KCNJ6: variants seen among roughly 807,000 people sequenced by gnomAD.
KCNJ6 encodes potassium inwardly rectifying channel subfamily J member 6, also known as G protein-activated inward rectifier potassium channel 2.
Under a neutral mutation model 34.2 loss-of-function variants are expected in KCNJ6, and 9 were observed. The ratio of observed to expected loss-of-function variants is 0.26; its 90% CI spans 0.16 to 0.46. The LOEUF is 0.46. KCNJ6 is among the 20% of genes least tolerant of loss of function. The pLI is 1.00. For synonymous variants in KCNJ6, 196 were observed against 207.1 expected, an observed-to-expected ratio of 0.95 and a Z score of 0.46; for missense variants, 236 against 531.3, an observed-to-expected ratio of 0.44 and a Z score of 5.46.
chr21:37,902,681 G>A (rs1568890459), intron 1 of KCNJ6, among the ~76,000 whole-genome samples: 1 of 152,200 alleles, frequency 6.6e-6, no homozygotes, highest in Non-Finnish European at 1.5e-5. Flanking sequence ...GCAGAGAGAA[G>A]AAGTGTGCAG....
At chr21:37,690,004 T>C (rs1464382157) in intron 3 of KCNJ6, among the ~76,000 whole-genome samples, 5 of 152,198 alleles carry the variant, frequency 3.3e-5, no homozygotes, top group Non-Finnish European at 5.9e-5. Context: ...TTTCAAAAAA[T>C]AGAAATACTC....
At chr21:37,864,614 G>A (rs983225544) in intron 1 of KCNJ6, among the ~76,000 whole-genome samples, 3 of 152,148 alleles carry the variant, frequency 2.0e-5, no homozygotes, top group Non-Finnish European at 4.4e-5. Flanking sequence ...AGATGTGCAG[G>A]GGTTTCAGAG....
At chr21:37,786,369 G>T (rs2055192728) in intron 2 of KCNJ6, among the ~76,000 whole-genome samples, 1 of 152,148 alleles carries the variant, frequency 6.6e-6, no homozygotes, top group African/African-American at 2.4e-5. Flanking sequence ...CTTCCTGTTG[G>T]GGCATCCACT....
chr21:37,630,158 G>GTGTGTGTGTGTGTGTGTGTGTGTGT (rs1556010880), intron 3 of KCNJ6, among the ~76,000 whole-genome samples: 19 of 145,788 alleles, frequency 1.3e-4, no homozygotes, highest in South Asian at 2.2e-4. Flanking sequence ...GTGTGTGTGT[G>GTGTGTGTGTGTGTGTGTGTGTGTGT]GTGTTTATGT....
intron 1 of KCNJ6, among the ~76,000 whole-genome samples, chr21:37,870,145 C>T (rs1238947330): frequency 6.6e-6 from 1 of 152,160 alleles, no homozygotes; most frequent in African/African-American, 2.4e-5. Context: ...ATACATTTTC[C>T]CTTTTCTGAT....
chr21:37,636,826 G>C (rs2054360075), intron 3 of KCNJ6, among the ~76,000 whole-genome samples: 1 of 152,170 alleles, frequency 6.6e-6, no homozygotes, highest in South Asian at 2.1e-4. Flanking sequence ...CCTCATGAGA[G>C]AACCCCCTGG....
chr21:37,666,887 A>C (rs1026190546), intron 3 of KCNJ6, among the ~76,000 whole-genome samples: 6 of 151,444 alleles, frequency 4.0e-5, no homozygotes, highest in Non-Finnish European at 8.8e-5. Context: ...GTGCTGTGTC[A>C]ACTCAGGGTT....
intron 2 of KCNJ6, among the ~76,000 whole-genome samples, chr21:37,818,207 C>CGTGTGTGTGTGTGTGTGT (rs1281572811): frequency 1.6e-4 from 13 of 81,044 alleles, no homozygotes; most frequent in African/African-American, 7.1e-4. Context: ...TGTGTGTGTG[C>CGTGTGTGTGTGTGTGTGT]GTGCGTGTGT....
intron 3 of KCNJ6, among the ~76,000 whole-genome samples, chr21:37,691,382 T>A (rs1348848396): frequency 6.6e-6 from 1 of 152,172 alleles, no homozygotes; most frequent in Non-Finnish European, 1.5e-5. Context: ...TCCCAAATCT[T>A]AACTTTCTGA....
chr21:37,902,664 G>T (rs1387295515), intron 1 of KCNJ6, among the ~76,000 whole-genome samples: 1 of 152,146 alleles, frequency 6.6e-6, no homozygotes, highest in Non-Finnish European at 1.5e-5. Context: ...AAAGAAGTTT[G>T]CATCTGGCAG....
At chr21:37,858,652 G>C (rs538173034) in intron 1 of KCNJ6, among the ~76,000 whole-genome samples, 26 of 152,232 alleles carry the variant, frequency 1.7e-4, no homozygotes, top group African/African-American at 6.0e-4. Context: ...AAGATCTAAA[G>C]TCTTTGGGAA....
At chr21:37,875,040 C>T (rs2055670802) in intron 1 of KCNJ6, among the ~76,000 whole-genome samples, 1 of 152,150 alleles carries the variant, frequency 6.6e-6, no homozygotes, top group Admixed American at 6.5e-5. Flanking sequence ...ACTCTATGCC[C>T]AGCAGTCTGT....
intron 1 of KCNJ6, among the ~76,000 whole-genome samples, chr21:37,863,407 G>T (rs558840987): frequency 1.3e-5 from 2 of 152,122 alleles, no homozygotes; most frequent in Non-Finnish European, 2.9e-5. Flanking sequence ...TACCAACTTT[G>T]ATTTATTGCA....
chr21:37,632,300 C>A (rs910789009), intron 3 of KCNJ6, among the ~76,000 whole-genome samples: 1 of 133,420 alleles, frequency 7.5e-6, no homozygotes, highest in African/African-American at 2.5e-5. Flanking sequence ...AAAGAAGAAA[C>A]CATAATGGAA....
intron 1 of KCNJ6, among the ~76,000 whole-genome samples, chr21:37,878,783 G>A (rs1246340958): frequency 2.0e-5 from 3 of 152,274 alleles, no homozygotes; most frequent in Admixed American, 6.5e-5. Flanking sequence ...AAGGTAGAGC[G>A]GTATGTGGGA....
intron 1 of KCNJ6, among the ~76,000 whole-genome samples, chr21:37,901,051 T>A (rs2055814693): frequency 6.6e-6 from 1 of 150,898 alleles, no homozygotes; most frequent in African/African-American, 2.4e-5. Flanking sequence ...TGTTCAAAAA[T>A]TTAGCTTATC....
chr21:37,658,608 T>C (rs1387078075), intron 3 of KCNJ6, among the ~76,000 whole-genome samples: 2 of 152,204 alleles, frequency 1.3e-5, no homozygotes, highest in African/African-American at 2.4e-5. Context: ...AGAGAAAATA[T>C]ACCCAGATAC....
At chr21:37,736,728 C>T (rs1172320860) in intron 2 of KCNJ6, among the ~76,000 whole-genome samples, 4 of 152,178 alleles carry the variant, frequency 2.6e-5, no homozygotes, top group Non-Finnish European at 5.9e-5. Flanking sequence ...GCCTACATCC[C>T]AGCCCTGTTA....
intron 2 of KCNJ6, among the ~76,000 whole-genome samples, chr21:37,792,513 A>G (rs2055221628): frequency 6.6e-6 from 1 of 152,210 alleles, no homozygotes; most frequent in Non-Finnish European, 1.5e-5. Flanking sequence ...TGGGAAAAGC[A>G]CAGATTCTAG....
Sources: gnomAD v4.1 joint callset for allele counts (sites outside exome capture counted in the v4.1 genomes callset) on GRCh38, gnomAD v4.1.1 for gene constraint, MANE v1.5 for transcripts, NCBI Gene and HGNC (gene_info 2026-07-23, HGNC 2026-07-21) for gene names.